Variants in NEGR1 observed in about 807,000 individuals in gnomAD.
NEGR1 encodes the protein IgLON family member 4.
A neutral mutation model predicts 40.9 loss-of-function variants in NEGR1; 10 were observed. That is an observed-to-expected ratio of 0.24 (90% confidence interval 0.15 to 0.42). NEGR1 has a LOEUF of 0.42. Among genes scored for constraint, NEGR1 ranks in the 10% least tolerant of loss-of-function variants. The pLI is 1.00. For synonymous variants in NEGR1, 185 were observed against 166.8 expected (o/e 1.11, Z -0.84); for missense variants, 352 against 438.9 (o/e 0.80, Z 1.77).
chr1:71,663,252 C>G (rs992334858), intron 4 of NEGR1, among the ~76,000 whole-genome samples: 1 of 152,034 alleles, frequency 6.6e-6, no homozygotes, highest in Non-Finnish European at 1.5e-5. Context: ...CCACCATGAC[C>G]GGCCATTTTT....
At chr1:72,144,627 T>C (rs952389060) in intron 1 of NEGR1, among the ~76,000 whole-genome samples, 1 of 152,034 alleles carries the variant, frequency 6.6e-6, no homozygotes. Context: ...CCACCATTTA[T>C]AGCTAAGCTG....
In NEGR1 at chr1:72,225,983, GTA is replaced by G. The variant is rs1249337316; in HGVS notation, c.176+56334_176+56335del. Among the ~76,000 whole-genome samples the G allele has an allele frequency of 2.6e-5, 4 of 151,844 alleles. No homozygotes were observed. The East Asian group carries it at 7.7e-4, about 29-fold the overall frequency. On this transcript the variant is annotated intron_variant, in intron 1 of 6. Coordinates refer to ENST00000357731, the MANE Select transcript of NEGR1 (RefSeq NM_173808.3). ...TTAGGAGGTAACTTAGCAGGAAAAA[GTA>G]TGTCGTAGACAAAAAACTTCAGAAG...
At chr1:71,464,343 A>G (rs1482505216) in intron 6 of NEGR1, among the ~76,000 whole-genome samples, 1 of 152,096 alleles carries the variant, frequency 6.6e-6, no homozygotes. Context: ...AGTTGTCATT[A>G]GTACCATGGT....
chr1:71,420,075 A>G (rs928204512), intron 6 of NEGR1, among the ~76,000 whole-genome samples: 2 of 152,094 alleles, frequency 1.3e-5, no homozygotes, highest in African/African-American at 2.4e-5. Flanking sequence ...GGCCATTTAT[A>G]TTACTGTTTG....
chr1:71,433,799 T>A (rs975758985), intron 6 of NEGR1, among the ~76,000 whole-genome samples: 4 of 152,204 alleles, frequency 2.6e-5, no homozygotes, highest in Non-Finnish European at 4.4e-5. Context: ...TGTGTGTGTG[T>A]GAGAGAGATT....
At chr1:72,187,689 T>TTAA (rs777076602) in intron 1 of NEGR1, among the ~76,000 whole-genome samples, 53 of 151,190 alleles carry the variant, frequency 3.5e-4, no homozygotes, top group African/African-American at 9.0e-4. Context: ...AGGTATAACA[T>TTAA]TAATAATAAT....
intron 4 of NEGR1, among the ~76,000 whole-genome samples, chr1:71,675,069 T>G (rs1457144304): frequency 1.5e-5 from 2 of 134,320 alleles, no homozygotes; most frequent in African/African-American, 5.3e-5. Flanking sequence ...ATGTGATCTA[T>G]ATATGTGATC....
At chr1:71,830,571 G>T (rs896730182) in intron 2 of NEGR1, among the ~76,000 whole-genome samples, 1 of 151,840 alleles carries the variant, frequency 6.6e-6, no homozygotes, top group Non-Finnish European at 1.5e-5. Context: ...ACTCCCTGCT[G>T]TATTGTAACT....
At chr1:72,216,687 T>C (rs923681919) in intron 1 of NEGR1, among the ~76,000 whole-genome samples, 3 of 150,960 alleles carry the variant, frequency 2.0e-5, no homozygotes, top group African/African-American at 4.8e-5. Context: ...TTGATCACTA[T>C]GCCAGTGAGT....
At position 72,218,638 on chromosome 1, in the gene NEGR1, A is replaced by T. The variant is rs569860438; in HGVS notation, c.176+63681T>A. Reference sequence around the variant, plus strand: ...TTGTTTTTTTTTCCTATGAGACGATATAACAGAGATCGAGATGCCAGACTC... The same window carrying T: ...TTGTTTTTTTTTCCTATGAGACGATTTAACAGAGATCGAGATGCCAGACTC... On this transcript the variant is annotated intron_variant, in intron 1 of 6. Transcript: ENST00000357731. Among the ~76,000 whole-genome samples the T allele has an allele frequency of 3.9e-4, 59 of 152,070 alleles. 1 individual carries two copies. The South Asian group carries it at 0.01, about 27-fold the overall frequency.
intron 6 of NEGR1, among the ~76,000 whole-genome samples, chr1:71,554,313 T>C (rs1194362524): frequency 6.6e-6 from 1 of 151,540 alleles, no homozygotes; most frequent in African/African-American, 2.4e-5. Context: ...AATTAGACAA[T>C]ATTATATTGC....
intron 1 of NEGR1, among the ~76,000 whole-genome samples, chr1:71,982,774 C>G (rs1570577138): frequency 1.3e-5 from 2 of 152,126 alleles, no homozygotes; most frequent in South Asian, 4.2e-4. Flanking sequence ...GTGCCTGCCA[C>G]AAACATTAAT....
chr1:71,773,450 A>G (rs1656398532), intron 3 of NEGR1, among the ~76,000 whole-genome samples: 1 of 152,226 alleles, frequency 6.6e-6, no homozygotes, highest in African/African-American at 2.4e-5. Flanking sequence ...AGCTGAGAAC[A>G]TGCAAAATAT....
intron 1 of NEGR1, among the ~76,000 whole-genome samples, chr1:72,106,257 T>G (rs1454392080): frequency 2.0e-5 from 3 of 152,068 alleles, no homozygotes; most frequent in Non-Finnish European, 4.4e-5. Flanking sequence ...ACTGGTATAT[T>G]TGAAGTCTTA....
chr1:71,471,422 GA>G (rs1646781357), intron 6 of NEGR1, among the ~76,000 whole-genome samples: 1 of 152,106 alleles, frequency 6.6e-6, no homozygotes, highest in Non-Finnish European at 1.5e-5. Flanking sequence ...TTGGCGGCCA[GA>G]TCACCTGAGG....
At chr1:71,942,484 T>TATATATATATATATATATATATATA (rs34446850) in intron 1 of NEGR1, among the ~76,000 whole-genome samples, 3 of 4,738 alleles carry the variant, frequency 6.3e-4, no homozygotes, top group Non-Finnish European at 1.1e-3. Context: ...TATATATATA[T>TATATATATATATATATATATATATA]TTTTTTTTTT....
chr1:72,242,763 G>T (rs1459632942), intron 1 of NEGR1, among the ~76,000 whole-genome samples: 1 of 151,606 alleles, frequency 6.6e-6, no homozygotes, highest in African/African-American at 2.4e-5. Context: ...TTTGTCTGAT[G>T]AGTAAATCAA....
intron 1 of NEGR1, among the ~76,000 whole-genome samples, chr1:72,001,653 A>G (rs938858174): frequency 1.3e-5 from 2 of 150,182 alleles, no homozygotes; most frequent in African/African-American, 4.9e-5. Context: ...GATACCAGTT[A>G]AGTTCTTTGA....
At chr1:71,436,629 T>G (rs1646511555) in intron 6 of NEGR1, among the ~76,000 whole-genome samples, 1 of 152,278 alleles carries the variant, frequency 6.6e-6, no homozygotes, top group East Asian at 1.9e-4. Context: ...TTACATCAAG[T>G]GTGTCTACCT....
Sources: gnomAD v4.1 joint callset for allele counts (sites outside exome capture counted in the v4.1 genomes callset) on GRCh38, gnomAD v4.1.1 for gene constraint, MANE v1.5 for transcripts, NCBI Gene and HGNC (gene_info 2026-07-23, HGNC 2026-07-21) for gene names.